C7: variants seen among roughly 807,000 people sequenced by gnomAD.
C7 encodes the protein complement component C7.
Under a neutral mutation model 104.8 loss-of-function variants are expected in C7, and 83 were observed. The ratio of observed to expected loss-of-function variants is 0.79; its 90% CI spans 0.66 to 0.95. The LOEUF (loss-of-function observed/expected upper bound fraction) is 0.95, where lower values mean the gene tolerates loss of function less well. Ranked by LOEUF, C7 falls within the 40% of genes least tolerant of loss-of-function variation. The pLI, the probability that C7 is intolerant of heterozygous loss-of-function variation, is 0.00. For synonymous variants in C7, 415 were observed against 360.6 expected (o/e 1.15, Z -1.71); for missense variants, 1,070 against 1,011.2 (o/e 1.06, Z -0.79).
At chr5:40,959,664 C>T (rs1258173025) in intron 12 of C7, 44 bp downstream of exon 12, 1 of 1,411,786 alleles carries the variant, frequency 7.1e-7, no homozygotes, top group Non-Finnish European at 9.5e-7. Flanking sequence ...GAACACAGTA[C>T]CCTCTGCAGT....
chr5:40,948,390 G>A (rs887611716), intron 8 of C7, among the ~76,000 whole-genome samples: 1 of 152,030 alleles, frequency 6.6e-6, no homozygotes, highest in Non-Finnish European at 1.5e-5. Context: ...CCAATGAGAT[G>A]GGCATTATAA....
intron 9 of C7, 74 bp downstream of exon 9, chr5:40,950,088 G>A (rs535118179): frequency 2.7e-5 from 22 of 810,390 alleles, no homozygotes; most frequent in East Asian, 1.3e-4. Flanking sequence ...AAGGGTACGC[G>A]TGAAGTTATG....
chr5:40,932,812 G>A (rs1189959148), intron 3 of C7, among the ~76,000 whole-genome samples: 1 of 151,944 alleles, frequency 6.6e-6, no homozygotes, highest in Admixed American at 6.6e-5. Context: ...TTTGAGTGAA[G>A]GTCATTATGC....
intron 13 of C7, among the ~76,000 whole-genome samples, chr5:40,964,062 A>T (rs1442103557): frequency 2.5e-5 from 3 of 118,888 alleles, no homozygotes; most frequent in African/African-American, 9.1e-5. Flanking sequence ...AGAGAGAGAG[A>T]GACAGAGTCT....
chr5:40,967,839 A>G (rs1355817898), intron 14 of C7: 4 of 152,410 alleles, frequency 2.6e-5, no homozygotes, highest in African/African-American at 9.7e-5. Context: ...GGAAAAGGGT[A>G]TTATTAATTG....
intron 1 of C7, among the ~76,000 whole-genome samples, chr5:40,921,071 A>C (rs1311924181): frequency 6.7e-6 from 1 of 149,670 alleles, no homozygotes; most frequent in Non-Finnish European, 1.5e-5. Flanking sequence ...AAAATGAAAG[A>C]CTACACTAAA....
chr5:40,935,274 G>A lies in C7; in HGVS notation c.280+808G>A, dbSNP rs570240207. On this transcript the variant is annotated intron_variant, in intron 4 of 17. Transcript: ENST00000313164. Reference sequence around the variant, plus strand: ...GTACCATCTGTCATTTGGATGATTCGTTGGCCTGAATGTCTCTCTTGGTGA... The same window carrying A: ...GTACCATCTGTCATTTGGATGATTCATTGGCCTGAATGTCTCTCTTGGTGA... Among the ~76,000 whole-genome samples, 10 of 152,188 alleles carry A rather than the reference G, an allele frequency of 6.6e-5. No individual in the cohort carries two copies. The South Asian group carries it at 1.2e-3, about 19-fold the overall frequency.
intron 1 of C7, among the ~76,000 whole-genome samples, chr5:40,917,863 T>A (rs1739352828): frequency 6.6e-6 from 1 of 152,144 alleles, no homozygotes; most frequent in Admixed American, 6.6e-5. Flanking sequence ...TAATGACAAC[T>A]ATAGTAACAC....
chr5:40,973,991 C>A (rs187682859), intron 15 of C7, among the ~76,000 whole-genome samples: 68 of 152,266 alleles, frequency 4.5e-4, no homozygotes, highest in Non-Finnish European at 7.4e-5. Flanking sequence ...CCAAGACTTA[C>A]CAGCTTCCAA....
intron 11 of C7, among the ~76,000 whole-genome samples, chr5:40,958,475 T>C (rs1321618293): frequency 6.6e-6 from 1 of 152,214 alleles, no homozygotes; most frequent in Admixed American, 6.5e-5. Context: ...ACAGCCCCAC[T>C]GTGCCCTCCA....
At chr5:40,927,321 T>A (rs891047182) in intron 1 of C7, among the ~76,000 whole-genome samples, 3 of 152,054 alleles carry the variant, frequency 2.0e-5, no homozygotes, top group African/African-American at 7.2e-5. Flanking sequence ...AGGGAAAAAC[T>A]GTATTTTTCT....
intron 1 of C7, among the ~76,000 whole-genome samples, chr5:40,925,089 G>C (rs111945414): frequency 1.3e-5 from 2 of 151,988 alleles, no homozygotes; most frequent in African/African-American, 4.8e-5. Flanking sequence ...TCTCTGCTGC[G>C]TGGCCAGGCT....
At chr5:40,976,318 C>A (rs995301551) in intron 15 of C7, among the ~76,000 whole-genome samples, 2 of 152,190 alleles carry the variant, frequency 1.3e-5, no homozygotes, top group Admixed American at 6.5e-5. Flanking sequence ...TAAGCACCAG[C>A]TTCTTGAAAG....
At chr5:40,970,433 G>A (rs936277884) in intron 14 of C7, among the ~76,000 whole-genome samples, 4 of 151,960 alleles carry the variant, frequency 2.6e-5, no homozygotes, top group Admixed American at 2.0e-4. Flanking sequence ...GAATGTAATT[G>A]AGTAAGAAAG....
intron 15 of C7, 50 bp downstream of exon 15, chr5:40,972,644 GA>G (rs749906643): frequency 1.5e-5 from 22 of 1,476,012 alleles, no homozygotes. Context: ...AGGCAAGTGA[GA>G]GTCCTTGTGG....
chr5:40,955,529 T>A lies in C7; in HGVS notation c.1236T>A (p.Asn412Lys). ...CTGCCTGGGCAGAATCTGTGACTAA[T>A]CTTCCTCAAGTCATAAAACAAAAGG... ...RYSAWAESVTNLPQVIKQKLT... is the reference protein window; with the variant it reads ...RYSAWAESVTKLPQVIKQKLT... Residue 412 changes from asparagine (N) to lysine (K), a missense_variant, in exon 10 of 18, where the codon AAT becomes AAA. Asn to Lys is a moderately conservative substitution (Grantham distance 94). Transcript: ENST00000313164. 6.2e-7 allele frequency: 1 copy of A among 1,613,134 alleles called. No individual in the cohort carries two copies. Among genetic ancestry groups the A allele is most frequent in the Non-Finnish European group, 8.5e-7 (1 of 1,179,462 alleles).
Position 40,962,076 on chromosome 5 carries a change from T to G in C7, c.1662-9T>G. The G allele has an allele frequency of 6.8e-7, 1 of 1,471,254 alleles. No individual in the cohort carries two copies. Among genetic ancestry groups the G allele is most frequent in the Non-Finnish European group, 9.2e-7 (1 of 1,091,456 alleles). 91.1% of individuals were successfully genotyped at this position (1,471,254 alleles called of 1,614,324 possible). The stretch of plus-strand genomic sequence containing the variant: ...TCAATCACATTAATTACATTTTTTT[T>G]CCTTCCAGGTTGCTTGAACCACATT... On this transcript the variant is annotated splice_polypyrimidine_tract_variant and intron_variant, in intron 12 of 17. Transcript: ENST00000313164.
At position 40,970,920 on chromosome 5, in the gene C7, G is replaced by A. The variant is rs145306305; in HGVS notation, c.1883-1483G>A. Among the ~76,000 whole-genome samples, 892 of 152,028 alleles carry A rather than the reference G, an allele frequency of 5.9e-3. 32 individuals carry two copies. The East Asian group carries it at 0.091, about 16-fold the overall frequency. ...CCAGCTTCATCCATGTCTCTGCAAA[G>A]GACATTAACCCGTTATAGTATTCCA... On this transcript the variant is annotated intron_variant, in intron 14 of 17. Transcript: ENST00000313164.
chr5:40,928,669 T>C lies in C7; in HGVS notation c.62+34T>C, dbSNP rs1017328804. 7 of 1,368,486 alleles carry C rather than the reference T, an allele frequency of 5.1e-6. No homozygotes were observed. The South Asian group carries it at 6.7e-5, about 13-fold the overall frequency. The allele number at this position is 1,368,486 out of a possible 1,614,324, so 84.8% of individuals were successfully genotyped here. On this transcript the variant is annotated intron_variant, in intron 2 of 17. Transcript: ENST00000313164. ...TTTTTGGGTTGTGTGTAAAAATCAT[T>C]AAATTTAAAAAATGTTTTAGTAATT...
Sources: allele counts gnomAD v4.1 joint callset (sites outside exome capture counted in the v4.1 genomes callset), GRCh38; gene constraint gnomAD v4.1.1; transcripts MANE v1.5; gene names NCBI Gene and HGNC (gene_info 2026-07-23, HGNC 2026-07-21).